The following SLC2A9 variants were observed in gnomAD, a reference collection of about 807,000 sequenced individuals.
The protein encoded by SLC2A9 is solute carrier family 2, facilitated glucose transporter member 9.
Under a neutral mutation model 50.6 loss-of-function variants are expected in SLC2A9, and 39 were observed. The ratio of observed to expected loss-of-function variants is 0.77; its 90% CI spans 0.60 to 1.01. SLC2A9 has a LOEUF of 1.01. SLC2A9 is among the 50% of genes least tolerant of loss of function. The pLI, the probability that SLC2A9 is intolerant of heterozygous loss-of-function variation, is 0.00. For synonymous variants in SLC2A9, 324 were observed against 276.9 expected (o/e 1.17, Z -1.69); for missense variants, 686 against 677.6 (o/e 1.01, Z -0.14).
intron 3 of SLC2A9, among the ~76,000 whole-genome samples, chr4:9,819,127 A>G (rs567288765): frequency 2.6e-5 from 4 of 151,644 alleles, no homozygotes; most frequent in African/African-American, 9.7e-5. Flanking sequence ...AAAAAAAAAA[A>G]AAAAAAAAAA....
intron 8 of SLC2A9, among the ~76,000 whole-genome samples, chr4:9,902,657 T>C (rs1024926376): frequency 1.3e-5 from 2 of 152,214 alleles, no homozygotes; most frequent in Non-Finnish European, 2.9e-5. Flanking sequence ...TAGTGTGTTT[T>C]GGCTTTCAGC....
chr4:10,026,398 A>G (rs1221514595), upstream of SLC2A9, among the ~76,000 whole-genome samples: 1 of 152,206 alleles, frequency 6.6e-6, no homozygotes, highest in Non-Finnish European at 1.5e-5. Flanking sequence ...GAACCCTTGT[A>G]TAGGATTGTC....
rs1432832214 is a variant in SLC2A9 at position 9,887,482 on chromosome 4, T to C, written c.1291+85A>G. ...GGCTTTGCTTCTTCTGGGCTCTGGG[T>C]TCCCCATCTGTATGAGGAGAGCCCC... On this transcript the variant is annotated intron_variant, in intron 10 of 11. Transcript: ENST00000264784. 2.3e-6 allele frequency: 3 copies of C among 1,331,474 alleles called. No homozygotes were observed. In the East Asian group the frequency reaches 8.2e-5, roughly 36 times the overall value. 82.5% of individuals were successfully genotyped at this position (1,331,474 alleles called of 1,614,324 possible). A position where few individuals can be genotyped will look rare whatever the true frequency, so the allele number is the denominator to read the frequency against.
At chr4:9,881,021 A>C (rs1735111298) in intron 10 of SLC2A9, among the ~76,000 whole-genome samples, 1 of 152,190 alleles carries the variant, frequency 6.6e-6, no homozygotes, top group Non-Finnish European at 1.5e-5. Flanking sequence ...ATTTGCTTCT[A>C]GCTTATCTCC....
At chr4:10,008,288 G>T (rs147732136) in intron 2 of SLC2A9, among the ~76,000 whole-genome samples, 1 of 152,350 alleles carries the variant, frequency 6.6e-6, no homozygotes, top group Non-Finnish European at 1.5e-5. Flanking sequence ...TCCAGGGCAT[G>T]GTGCGGGGGG....
At chr4:9,977,049 C>A (rs1421751725) in intron 5 of SLC2A9, among the ~76,000 whole-genome samples, 2 of 152,184 alleles carry the variant, frequency 1.3e-5, no homozygotes, top group Non-Finnish European at 2.9e-5. Context: ...TCCATCCACA[C>A]TGCCATTACT....
chr4:9,890,139 C>A (rs1737097721), intron 9 of SLC2A9, among the ~76,000 whole-genome samples: 1 of 152,176 alleles, frequency 6.6e-6, no homozygotes, highest in South Asian at 2.1e-4. Flanking sequence ...GCTAAAGTTT[C>A]ATTACAAGTA....
intron 10 of SLC2A9, among the ~76,000 whole-genome samples, chr4:9,871,022 T>C (rs1577625007): frequency 6.6e-6 from 1 of 152,298 alleles, no homozygotes; most frequent in South Asian, 2.1e-4. Context: ...ACTCAAGAGA[T>C]CTTCCTATCT....
chr4:9,861,538 T>G (rs1180987330), intron 10 of SLC2A9, among the ~76,000 whole-genome samples: 3 of 152,140 alleles, frequency 2.0e-5, no homozygotes, highest in African/African-American at 7.2e-5. Flanking sequence ...ACAATAAGCC[T>G]CCCTCAACAG....
At chr4:9,907,947 T>C (rs755824323) in intron 8 of SLC2A9, among the ~76,000 whole-genome samples, 4 of 152,198 alleles carry the variant, frequency 2.6e-5, no homozygotes, top group African/African-American at 4.8e-5. Context: ...GGTTCCCACA[T>C]TGCAGTGTTG....
chr4:9,948,583 C>T (rs1236805304), intron 5 of SLC2A9, among the ~76,000 whole-genome samples: 1 of 152,208 alleles, frequency 6.6e-6, no homozygotes, highest in Non-Finnish European at 1.5e-5. Context: ...CCAAGGCTAC[C>T]CAGCCCTCCC....
At chr4:9,852,321 C>T (rs1730087269) in intron 10 of SLC2A9, among the ~76,000 whole-genome samples, 1 of 151,456 alleles carries the variant, frequency 6.6e-6, no homozygotes, top group Non-Finnish European at 1.5e-5. Context: ...GGCGCAATCT[C>T]GGCTCACTGC....
intron 6 of SLC2A9, among the ~76,000 whole-genome samples, chr4:9,937,549 C>T (rs147456265): frequency 1.3e-5 from 2 of 152,210 alleles, no homozygotes; most frequent in African/African-American, 4.8e-5. Context: ...TGACTGCCAG[C>T]AGAGACCGAG....
chr4:9,988,037 CCGGCTAATACTTGAACAAGA>C (rs1160197024), intron 3 of SLC2A9, among the ~76,000 whole-genome samples: 1 of 152,228 alleles, frequency 6.6e-6, no homozygotes, highest in Non-Finnish European at 1.5e-5. Context: ...AGGAATGACA[CCGGCTAATACTTGAACAAGA>C]TCACTACATC....
At chr4:9,785,618 A>G (rs951179820) in intron 3 of SLC2A9, among the ~76,000 whole-genome samples, 1 of 152,258 alleles carries the variant, frequency 6.6e-6, no homozygotes, top group Non-Finnish European at 1.5e-5. Flanking sequence ...GTTATGGGAA[A>G]TGGATTATGT....
chr4:9,917,241 A>G (rs1429163903), intron 7 of SLC2A9, among the ~76,000 whole-genome samples: 1 of 145,704 alleles, frequency 6.9e-6, no homozygotes, highest in East Asian at 1.9e-4. Context: ...AGGCAGAGGG[A>G]AAAAAAAATC....
downstream of SLC2A9, among the ~76,000 whole-genome samples, chr4:9,822,662 A>T (rs1231403736): frequency 6.6e-6 from 1 of 152,258 alleles, no homozygotes; most frequent in African/African-American, 2.4e-5. Flanking sequence ...GTGTTTAAAA[A>T]AATACTGAGA....
intron 6 of SLC2A9, among the ~76,000 whole-genome samples, chr4:9,937,898 A>C (rs1747379301): frequency 6.6e-6 from 1 of 151,982 alleles, no homozygotes; most frequent in African/African-American, 2.4e-5. Context: ...ACAAAGCACA[A>C]AGCCCAGCTC....
At chr4:9,978,600 G>C (rs1242396426) in intron 5 of SLC2A9, among the ~76,000 whole-genome samples, 7 of 152,200 alleles carry the variant, frequency 4.6e-5, no homozygotes, top group Non-Finnish European at 8.8e-5. Flanking sequence ...AAAAGCAAAA[G>C]AGTCTCTTTA....
Sources: allele counts gnomAD v4.1 joint callset (sites outside exome capture counted in the v4.1 genomes callset), GRCh38; gene constraint gnomAD v4.1.1; transcripts MANE v1.5; gene names NCBI Gene and HGNC (gene_info 2026-07-23, HGNC 2026-07-21).